MESD: variants seen among roughly 807,000 people sequenced by gnomAD.
MESD encodes the protein mesoderm development LRP chaperone.
Under a neutral mutation model 12.9 loss-of-function variants are expected in MESD, and 7 were observed. The ratio of observed to expected loss-of-function variants is 0.54; its 90% CI spans 0.31 to 1.02. The LOEUF (loss-of-function observed/expected upper bound fraction) is 1.02, where lower values mean the gene tolerates loss of function less well. Ranked by LOEUF, MESD falls within the 50% of genes least tolerant of loss-of-function variation. The pLI is 0.05. For missense variants in MESD, 342 were observed against 296.7 expected (o/e 1.15, Z -1.12); for synonymous variants, 126 against 115.6 (o/e 1.09, Z -0.58).
chr15:80,968,857 T>A (rs539019711), intron 3 of MESD, among the ~76,000 whole-genome samples: 2 of 152,202 alleles, frequency 1.3e-5, no homozygotes, highest in South Asian at 4.1e-4. Context: ...AAGGGCCACA[T>A]AGTAAATGTT....
In MESD at chr15:80,989,600, C is replaced by A; in HGVS notation, c.192G>T (p.Ala64=). Residue 64 remains alanine (A), a synonymous_variant, in exon 1 of 3, where the codon GCG becomes GCT. Transcript: ENST00000261758. ...GGACCTCCCATTGCTCCAGAAGACG[C>A]GCCATGTCTGCATCATTGTAATCGC... ...DIRDYNDADM[A]RLLEQWEKDD... is the part of the protein sequence containing the mutation. 6.2e-7 allele frequency: 1 copy of A among 1,613,724 alleles called. No individual in the cohort carries two copies.
At position 80,989,600 on chromosome 15, in the gene MESD, C is replaced by T. The variant is rs1821678567; in HGVS notation, c.192G>A (p.Ala64=). The change falls in exon 1 of 3, where the codon GCG becomes GCA. Residue 64 remains alanine (A), a synonymous_variant. Coordinates refer to ENST00000261758, the MANE Select transcript of MESD (RefSeq NM_015154.3). The part of the protein sequence containing the change: ...DIRDYNDADM[A]RLLEQWEKDD... The stretch of plus-strand genomic sequence containing the variant: ...GGACCTCCCATTGCTCCAGAAGACG[C>T]GCCATGTCTGCATCATTGTAATCGC... The T allele has an allele frequency of 6.2e-7, 1 of 1,613,606 alleles. No homozygotes were observed. The highest frequency in any genetic ancestry group is 1.3e-5 in the African/African-American group (1 of 74,930).
rs969732833 is a variant in MESD, at chr15:80,955,906, G to A, written c.*289-3610C>T. 5.3e-5 allele frequency among the ~76,000 whole-genome samples: 8 copies of A among 152,120 alleles called. No individual in the cohort carries two copies. The East Asian group carries it at 5.8e-4, about 11-fold the overall frequency. ...CAAAGTGCTAGGATTACAGGTGTGA[G>A]CCACTGCGCCCGGCTGAGAAGTGTG... On this transcript the variant is annotated intron_variant, in intron 3 of 4. Transcript: ENST00000561312.
chr15:80,965,622 C>A (rs956657698), intron 3 of MESD, among the ~76,000 whole-genome samples: 2 of 152,064 alleles, frequency 1.3e-5, no homozygotes, highest in African/African-American at 2.4e-5. Context: ...ACTATGCAGC[C>A]ATAAAAAAGG....
At chr15:80,967,607 C>T (rs990960933) in intron 3 of MESD, among the ~76,000 whole-genome samples, 2 of 152,168 alleles carry the variant, frequency 1.3e-5, no homozygotes, top group African/African-American at 4.8e-5. Context: ...GTTTCTAGGC[C>T]TATGGCTGAA....
chr15:80,956,646 T>C (rs1298670174), intron 3 of MESD, among the ~76,000 whole-genome samples: 3 of 152,144 alleles, frequency 2.0e-5, no homozygotes, highest in African/African-American at 4.8e-5. Flanking sequence ...GTTTTATAAA[T>C]ATAAACACAG....
At chr15:80,964,040 C>T (rs1289502777) in intron 3 of MESD, among the ~76,000 whole-genome samples, 1 of 152,152 alleles carries the variant, frequency 6.6e-6, no homozygotes, top group Non-Finnish European at 1.5e-5. Context: ...GTCAAATTGT[C>T]CCTGTTTGCA....
intron 3 of MESD, among the ~76,000 whole-genome samples, chr15:80,962,802 C>T (rs970199448): frequency 1.3e-5 from 2 of 152,118 alleles, no homozygotes; most frequent in Non-Finnish European, 2.9e-5. Context: ...AACAAAGACA[C>T]AATGTACCAG....
exon 4 of MESD, chr15:80,952,263 G>A (rs748175527): frequency 2.2e-6 from 1 of 456,160 alleles, no homozygotes; most frequent in Non-Finnish European, 4.4e-6. Flanking sequence ...CAGGTAGAGG[G>A]CACCTCAGGC....
chr15:80,970,582 C>T (rs1902264631), intron 3 of MESD: 1 of 152,232 alleles, frequency 6.6e-6, no homozygotes, highest in Non-Finnish European at 1.5e-5. Flanking sequence ...TCGTTGTCTT[C>T]CTCTCTGCTT....
At chr15:80,958,617 G>A (rs1259397657) in intron 3 of MESD, among the ~76,000 whole-genome samples, 1 of 152,128 alleles carries the variant, frequency 6.6e-6, no homozygotes, top group East Asian at 1.9e-4. Flanking sequence ...ACAGGCATGA[G>A]CCACCGTGCC....
Position 80,982,705 on chromosome 15 carries a change from G to T in MESD, c.214-523C>A, listed in dbSNP as rs1294488627. On this transcript the variant is annotated intron_variant, in intron 1 of 2. Coordinates refer to ENST00000261758, the MANE Select transcript of MESD (RefSeq NM_015154.3). ...GACAAGGGAGGATTAACTGAGAATGGACACAAGAGAACTTTTCTGGGGTGA... is the reference window on the plus strand; with the variant it reads ...GACAAGGGAGGATTAACTGAGAATGTACACAAGAGAACTTTTCTGGGGTGA... 5.9e-5 allele frequency among the ~76,000 whole-genome samples: 9 copies of T among 152,176 alleles called. No homozygotes were observed. The East Asian group carries it at 1.7e-3, about 29-fold the overall frequency.
chr15:80,971,818 C>T (rs1032818315), downstream of MESD, among the ~76,000 whole-genome samples: 3 of 151,844 alleles, frequency 2.0e-5, no homozygotes, highest in South Asian at 2.1e-4. Flanking sequence ...AGTAGGACCA[C>T]GCCTGTAGTC....
chr15:80,989,259 CAA>C, intron 1 of MESD, among the ~76,000 whole-genome samples: 1 of 152,276 alleles, frequency 6.6e-6, no homozygotes, highest in Admixed American at 6.5e-5. Flanking sequence ...AGAATCAACG[CAA>C]AGACAACCAG....
chr15:80,956,820 C>CT (rs367724106), intron 3 of MESD, among the ~76,000 whole-genome samples: 22 of 150,842 alleles, frequency 1.5e-4, no homozygotes, highest in East Asian at 9.7e-4. Flanking sequence ...CATCTTCTCT[C>CT]TTTTTTTTTG....
At chr15:80,952,431 A>G in intron 3 of MESD, 1 of 288,002 alleles carries the variant, frequency 3.5e-6, no homozygotes, top group Non-Finnish European at 6.9e-6. Flanking sequence ...AATGCAATTA[A>G]AAATGCAGTT....
chr15:80,983,312 T>C (rs1358747697), intron 1 of MESD, among the ~76,000 whole-genome samples: 1 of 152,172 alleles, frequency 6.6e-6, no homozygotes. Flanking sequence ...GCACTCCATG[T>C]ATACCCATTT....
rs951838758 is a variant in MESD, at chr15:80,989,520, T to A, written c.213+59A>T. 1.5e-5 allele frequency: 23 copies of A among 1,551,032 alleles called. 1 individual carries two copies. The Admixed American group carries it at 3.9e-4, about 26-fold the overall frequency. ...GTCCCAAGACAGAACAGGTAAGGGG[T>A]CATAGGGAACAGGGTCCCGCACAGA... On this transcript the variant is annotated intron_variant, in intron 1 of 2. Transcript: ENST00000261758.
intron 3 of MESD, among the ~76,000 whole-genome samples, chr15:80,955,136 GAAA>G: frequency 7.4e-6 from 1 of 134,770 alleles, no homozygotes; most frequent in East Asian, 2.1e-4. Flanking sequence ...GTCTCTACTA[GAAA>G]AAAAAAAAAA....
Sources: gnomAD v4.1 joint callset for allele counts (sites outside exome capture counted in the v4.1 genomes callset) on GRCh38, gnomAD v4.1.1 for gene constraint, MANE v1.5 for transcripts, NCBI Gene and HGNC (gene_info 2026-07-23, HGNC 2026-07-21) for gene names.